C1QTNF7: variants seen among roughly 807,000 people sequenced by gnomAD.
The protein encoded by C1QTNF7 is C1q and TNF related 7.
Under a neutral mutation model 19.6 loss-of-function variants are expected in C1QTNF7, and 15 were observed. The observed-to-expected ratio is 0.76, with a 90% CI of 0.51 to 1.18. The LOEUF (loss-of-function observed/expected upper bound fraction) is 1.18. Ranked by LOEUF, C1QTNF7 falls within the 50% of genes most tolerant of loss-of-function variation. The pLI is 0.00. For missense variants in C1QTNF7, 324 were observed against 359.7 expected, an observed-to-expected ratio of 0.90 and a Z score of 0.80; for synonymous variants, 142 against 137.5, an observed-to-expected ratio of 1.03 and a Z score of -0.23.
chr4:15,389,994 A>G (rs1718496964), intron 1 of C1QTNF7, among the ~76,000 whole-genome samples: 1 of 152,156 alleles, frequency 6.6e-6, no homozygotes, highest in African/African-American at 2.4e-5. Flanking sequence ...TATGAAGATT[A>G]TGGACTCTCT....
At chr4:15,426,953 C>T (rs1225739164), upstream of C1QTNF7, among the ~76,000 whole-genome samples, 1 of 152,226 alleles carries the variant, frequency 6.6e-6, no homozygotes, top group Admixed American at 6.5e-5. Flanking sequence ...GAGACTTTAT[C>T]TGATTAAAAT....
At chr4:15,437,529 T>A (rs1213286239) in intron 2 of C1QTNF7, among the ~76,000 whole-genome samples, 1 of 152,204 alleles carries the variant, frequency 6.6e-6, no homozygotes, top group African/African-American at 2.4e-5. Context: ...ATTCGTTTCA[T>A]GAGGTAGTTC....
intron 1 of C1QTNF7, among the ~76,000 whole-genome samples, chr4:15,408,100 C>G (rs900463477): frequency 6.6e-6 from 1 of 151,892 alleles, no homozygotes; most frequent in South Asian, 2.1e-4. Flanking sequence ...AATCCCATCT[C>G]TACTAAAATT....
chr4:15,357,335 A>C (rs1363576161), intron 1 of C1QTNF7, among the ~76,000 whole-genome samples: 1 of 152,170 alleles, frequency 6.6e-6, no homozygotes, highest in Admixed American at 6.5e-5. Flanking sequence ...TTTTCCCAAC[A>C]CCATTTATTA....
At chr4:15,416,943 C>G (rs555282856) in intron 1 of C1QTNF7, among the ~76,000 whole-genome samples, 1 of 152,328 alleles carries the variant, frequency 6.6e-6, no homozygotes, top group South Asian at 2.1e-4. Context: ...TCTCTCTAGT[C>G]TTAGCTTTAT....
At chr4:15,399,424 T>A (rs1437722762) in intron 1 of C1QTNF7, among the ~76,000 whole-genome samples, 1 of 152,178 alleles carries the variant, frequency 6.6e-6, no homozygotes, top group Non-Finnish European at 1.5e-5. Flanking sequence ...GTTAAGAACA[T>A]GCACCCCAAG....
chr4:15,411,141 C>T (rs912790132), intron 1 of C1QTNF7, among the ~76,000 whole-genome samples: 1 of 152,060 alleles, frequency 6.6e-6, no homozygotes, highest in African/African-American at 2.4e-5. Flanking sequence ...TATTAATAAC[C>T]ATTTACATTT....
chr4:15,405,869 T>C (rs1719177308), intron 1 of C1QTNF7, among the ~76,000 whole-genome samples: 1 of 152,188 alleles, frequency 6.6e-6, no homozygotes, highest in Admixed American at 6.5e-5. Context: ...CTCTGTCCTC[T>C]GCCATCTCAC....
chr4:15,390,410 G>T (rs1718511594), intron 1 of C1QTNF7, among the ~76,000 whole-genome samples: 1 of 152,168 alleles, frequency 6.6e-6, no homozygotes, highest in African/African-American at 2.4e-5. Context: ...AATAACTAGG[G>T]ACTGAAGCCT....
chr4:15,437,571 T>A (rs1712586716), intron 2 of C1QTNF7, among the ~76,000 whole-genome samples: 1 of 152,196 alleles, frequency 6.6e-6, no homozygotes. Flanking sequence ...GGATATGCAT[T>A]CAGATTAAAT....
intron 1 of C1QTNF7, among the ~76,000 whole-genome samples, chr4:15,394,442 G>A (rs1467673882): frequency 6.6e-6 from 1 of 152,226 alleles, no homozygotes; most frequent in Non-Finnish European, 1.5e-5. Flanking sequence ...TTAGTGAAAA[G>A]AGCATGTTGC....
intron 1 of C1QTNF7, among the ~76,000 whole-genome samples, chr4:15,404,571 C>T (rs887886735): frequency 3.3e-5 from 5 of 152,210 alleles, no homozygotes; most frequent in African/African-American, 1.2e-4. Flanking sequence ...AGTAATTTCA[C>T]TGTGGAACAG....
chr4:15,367,734 G>A (rs2109303829), intron 1 of C1QTNF7, among the ~76,000 whole-genome samples: 1 of 152,184 alleles, frequency 6.6e-6, no homozygotes, highest in Non-Finnish European at 1.5e-5. Context: ...CCCATACAGT[G>A]GTAAAGATTA....
intron 1 of C1QTNF7, among the ~76,000 whole-genome samples, chr4:15,374,389 C>A (rs1434209817): frequency 6.6e-6 from 1 of 152,184 alleles, no homozygotes; most frequent in Non-Finnish European, 1.5e-5. Flanking sequence ...TAATATCACA[C>A]TTTTAGAAAA....
chr4:15,397,300 G>A (rs1718822123), intron 1 of C1QTNF7, among the ~76,000 whole-genome samples: 1 of 152,168 alleles, frequency 6.6e-6, no homozygotes, highest in South Asian at 2.1e-4. Context: ...GAGAGCCCTG[G>A]AGCAGGGCAA....
At position 15,435,854 on chromosome 4, in the gene C1QTNF7, T is replaced by A; in HGVS notation, c.111T>A (p.Pro37=). The A allele has an allele frequency of 6.2e-7, 1 of 1,614,148 alleles. No individual in the cohort carries two copies. Among genetic ancestry groups the A allele is most frequent in the Non-Finnish European group, 8.5e-7 (1 of 1,180,014 alleles). Residue 37 remains proline, a synonymous_variant, in exon 2 of 3, where the codon CCT becomes CCA. Transcript: ENST00000444304. ...CCCCCAGGTATATCTGCAGCATTCCTGGCTTGCCTGGACCTCCAGGGCCCC... is the reference window on the plus strand; with the variant it reads ...CCCCCAGGTATATCTGCAGCATTCCAGGCTTGCCTGGACCTCCAGGGCCCC... ...NYSPRYICSI[P]GLPGPPGPPG...
At chr4:15,424,553 C>G (rs370546987), upstream of C1QTNF7, among the ~76,000 whole-genome samples, 19 of 152,294 alleles carry the variant, frequency 1.2e-4, no homozygotes, top group African/African-American at 3.1e-4. Flanking sequence ...GGCCTCCCCC[C>G]ACTAGGAGGA....
intron 1 of C1QTNF7, among the ~76,000 whole-genome samples, chr4:15,355,195 G>C (rs1717092216): frequency 6.6e-6 from 1 of 152,102 alleles, no homozygotes; most frequent in African/African-American, 2.4e-5. Context: ...ACACAGCAGT[G>C]AGCAGGACCG....
At chr4:15,438,289 T>C (rs1172184122) in intron 2 of C1QTNF7, among the ~76,000 whole-genome samples, 1 of 152,180 alleles carries the variant, frequency 6.6e-6, no homozygotes, top group Non-Finnish European at 1.5e-5. Context: ...GGAATGACTA[T>C]ATGATCGATG....
Sources: gnomAD v4.1 joint callset for allele counts (sites outside exome capture counted in the v4.1 genomes callset) on GRCh38, gnomAD v4.1.1 for gene constraint, MANE v1.5 for transcripts, NCBI Gene and HGNC (gene_info 2026-07-23, HGNC 2026-07-21) for gene names.